Variants in HEATR5B observed in about 807,000 individuals in gnomAD.
HEATR5B encodes HEAT repeat containing 5B.
A neutral mutation model predicts 224.1 loss-of-function variants in HEATR5B; 156 were observed. That is an observed-to-expected ratio of 0.70 (90% confidence interval 0.61 to 0.80). HEATR5B has a LOEUF of 0.80. HEATR5B is among the 30% of genes least tolerant of loss of function. The pLI is 0.00. For synonymous variants in HEATR5B, 1,027 were observed against 893.0 expected, an observed-to-expected ratio of 1.15 and a Z score of -2.68; for missense variants, 2,323 against 2,535.5, an observed-to-expected ratio of 0.92 and a Z score of 1.80.
chr2:37,011,085 C>T (rs986770358), intron 27 of HEATR5B, among the ~76,000 whole-genome samples: 1 of 152,178 alleles, frequency 6.6e-6, no homozygotes, highest in Non-Finnish European at 1.5e-5. Context: ...GTACACTCTA[C>T]CCAGTGCACA....
intron 30 of HEATR5B, among the ~76,000 whole-genome samples, chr2:37,004,455 C>T (rs906143523): frequency 1.3e-5 from 2 of 151,388 alleles, no homozygotes; most frequent in East Asian, 3.9e-4. Context: ...CTGCACTATT[C>T]CCAAAGCCTC....
intron 5 of HEATR5B, among the ~76,000 whole-genome samples, chr2:37,074,254 C>T (rs11124558): frequency 0.012 from 1,683 of 145,718 alleles, 36 homozygotes; most frequent in African/African-American, 0.04. Context: ...ACCCGGGAGG[C>T]GGAGTTTGCA....
At chr2:37,012,711 G>A (rs140934154) in intron 27 of HEATR5B, among the ~76,000 whole-genome samples, 1 of 152,162 alleles carries the variant, frequency 6.6e-6, no homozygotes, top group African/African-American at 2.4e-5. Context: ...TTTAGAGGAT[G>A]TACAGAGGAA....
chr2:37,040,999 T>A (rs1002007093), intron 19 of HEATR5B, 134 bp downstream of exon 19: 1 of 653,912 alleles, frequency 1.5e-6, no homozygotes, highest in Non-Finnish European at 2.6e-6. Context: ...AAAATCTTGC[T>A]ATGTACTATT....
intron 11 of HEATR5B, among the ~76,000 whole-genome samples, chr2:37,060,955 CAA>C (rs1442690223): frequency 6.6e-6 from 1 of 152,068 alleles, no homozygotes; most frequent in Non-Finnish European, 1.5e-5. Flanking sequence ...CAAAGCATAA[CAA>C]AATTCACCTT....
Position 37,007,212 on chromosome 2 carries a change from AC to A in HEATR5B, c.4614del (p.Trp1538CysfsTer2). On this transcript the variant is annotated frameshift_variant, in exon 29 of 36. Transcript: ENST00000233099. LOFTEE classifies it high-confidence loss of function. ...GAGCACGTAAATCCTGTGCTATTTA[AC>A]CAAAGTGCCACCGCATGGAGAATTG... is the stretch of plus-strand genomic sequence containing the variant. ...WAPILHAVAL[W>X]LNSTGFTCSE... 1 of 1,614,108 alleles carries A rather than the reference AC, an allele frequency of 6.2e-7. No homozygotes were observed. The highest frequency in any genetic ancestry group is 8.5e-7 in the Non-Finnish European group (1 of 1,180,034).
intron 29 of HEATR5B, 38 bp from the exon 30 acceptor site, chr2:37,005,797 T>C: frequency 6.8e-7 from 1 of 1,481,288 alleles, no homozygotes; most frequent in Non-Finnish European, 9.1e-7. Context: ...TTTTCACTTA[T>C]AAAACACTTT....
At chr2:37,025,099 T>C (rs1668685156) in intron 24 of HEATR5B, among the ~76,000 whole-genome samples, 3 of 152,196 alleles carry the variant, frequency 2.0e-5, no homozygotes, top group African/African-American at 4.8e-5. Context: ...AGCACATTTA[T>C]TGGGTCTATA....
intron 35 of HEATR5B, among the ~76,000 whole-genome samples, chr2:36,985,020 C>A (rs867640826): frequency 3.3e-5 from 5 of 152,116 alleles, no homozygotes; most frequent in African/African-American, 1.2e-4. Flanking sequence ...TAACCTTGGT[C>A]ATGCAGGGTG....
chr2:37,020,465 A>G (rs1668396795), intron 25 of HEATR5B, among the ~76,000 whole-genome samples, 190 bp downstream of exon 25: 1 of 152,232 alleles, frequency 6.6e-6, no homozygotes, highest in African/African-American at 2.4e-5. Flanking sequence ...AAATAGTGAC[A>G]ACAGCTTGAC....
chr2:37,075,177 G>A (rs1272687077), intron 5 of HEATR5B, among the ~76,000 whole-genome samples: 1 of 152,096 alleles, frequency 6.6e-6, no homozygotes, highest in Non-Finnish European at 1.5e-5. Context: ...TTTATAACAG[G>A]TGAGTGAACA....
intron 35 of HEATR5B, 97 bp from the exon 36 acceptor site, chr2:36,981,891 A>C: frequency 1.2e-6 from 1 of 833,022 alleles, no homozygotes; most frequent in East Asian, 2.6e-5. Flanking sequence ...ACATAATAAA[A>C]TATAAGTACA....
intron 29 of HEATR5B, among the ~76,000 whole-genome samples, chr2:37,006,691 T>G (rs1336867456): frequency 6.6e-6 from 1 of 152,138 alleles, no homozygotes; most frequent in Non-Finnish European, 1.5e-5. Context: ...TAAAGCAATT[T>G]TACATTAGGA....
At chr2:37,037,787 AAAAAATTTT>A in intron 21 of HEATR5B, 59 bp downstream of exon 21, 1 of 1,203,402 alleles carries the variant, frequency 8.3e-7, no homozygotes, top group Admixed American at 3.0e-5. Context: ...ATGTATCCAT[AAAAAATTTT>A]TTAAATGTAA....
At chr2:37,007,785 T>C (rs1021447532) in intron 28 of HEATR5B, among the ~76,000 whole-genome samples, 1 of 152,246 alleles carries the variant, frequency 6.6e-6, no homozygotes, top group African/African-American at 2.4e-5. Flanking sequence ...CTGGAATACC[T>C]GTCTCTTCCT....
At chr2:36,989,282 C>T (rs1175974392) in intron 34 of HEATR5B, among the ~76,000 whole-genome samples, 1 of 152,158 alleles carries the variant, frequency 6.6e-6, no homozygotes, top group East Asian at 1.9e-4. Flanking sequence ...GACGGGGTTT[C>T]ACCATGTTGG....
chr2:37,031,679 T>G (rs1270341625), intron 22 of HEATR5B, among the ~76,000 whole-genome samples: 2 of 152,164 alleles, frequency 1.3e-5, no homozygotes, highest in African/African-American at 4.8e-5. Flanking sequence ...TTCTTTAATA[T>G]TCTACAATAC....
At chr2:36,992,849 C>A (rs1306405730) in intron 33 of HEATR5B, among the ~76,000 whole-genome samples, 1 of 151,900 alleles carries the variant, frequency 6.6e-6, no homozygotes, top group Non-Finnish European at 1.5e-5. Context: ...CTCAGCCGCC[C>A]GAGGAGGTGG....
chr2:36,988,594 A>G (rs1363103035), intron 35 of HEATR5B, 52 bp downstream of exon 35: 2 of 1,435,008 alleles, frequency 1.4e-6, no homozygotes, highest in East Asian at 2.3e-5. Flanking sequence ...AGATTTATAT[A>G]CAATACAGAT....
Sources: gnomAD v4.1 joint callset for allele counts (sites outside exome capture counted in the v4.1 genomes callset) on GRCh38, gnomAD v4.1.1 for gene constraint, MANE v1.5 for transcripts, NCBI Gene and HGNC (gene_info 2026-07-23, HGNC 2026-07-21) for gene names.